Variants in CFLAR observed in about 807,000 individuals in gnomAD.
The protein encoded by CFLAR is CASP8 and FADD-like apoptosis regulator.
In CFLAR, 14 loss-of-function variants were observed where a neutral mutation model predicts 51.1. That is an observed-to-expected ratio of 0.27 (90% confidence interval 0.18 to 0.43). CFLAR has a LOEUF of 0.43. Ranked by LOEUF, CFLAR falls within the 20% of genes least tolerant of loss-of-function variation. The pLI is 1.00. For synonymous variants in CFLAR, 210 were observed against 211.6 expected (o/e 0.99, Z 0.06); for missense variants, 390 against 566.5 (o/e 0.69, Z 3.16).
At chr2:201,123,984 G>A (rs149711297) in intron 1 of CFLAR, among the ~76,000 whole-genome samples, 77 of 152,310 alleles carry the variant, frequency 5.1e-4, no homozygotes, top group African/African-American at 1.6e-3. Context: ...CTCCATTGCC[G>A]CCCAGTTTGT....
intron 1 of CFLAR, among the ~76,000 whole-genome samples, chr2:201,121,526 T>G (rs1301691097): frequency 6.6e-6 from 1 of 152,238 alleles, no homozygotes; most frequent in Non-Finnish European, 1.5e-5. Context: ...AATTTTTATT[T>G]TCTTCTCTAC....
chr2:201,157,829 A>G (rs1011879571), intron 8 of CFLAR: 1 of 152,282 alleles, frequency 6.6e-6, no homozygotes, highest in African/African-American at 2.4e-5. Context: ...GTGCCAGCTA[A>G]CAGCCCTTCC....
intron 4 of CFLAR, chr2:201,140,015 G>T: frequency 3.2e-6 from 1 of 312,568 alleles, no homozygotes; most frequent in Non-Finnish European, 6.6e-6. Flanking sequence ...GCTGCTGATA[G>T]GTAGTCCCTC....
rs181768763 is a variant in CFLAR at position 201,170,147 on chromosome 2, A to C, written c.*6174A>C. The C allele has an allele frequency of 3.9e-5, 6 of 152,354 alleles. No homozygotes were observed. The highest frequency in any genetic ancestry group is 1.4e-4 in the African/African-American group (6 of 41,582). 9.4% of individuals were successfully genotyped at this position (152,354 alleles called of 1,614,324 possible). A position where few individuals can be genotyped will look rare whatever the true frequency, so the allele number is the denominator to read the frequency against. On this transcript the variant is annotated 3_prime_UTR_variant, in exon 10 of 10. Coordinates refer to ENST00000309955, the MANE Select transcript of CFLAR (RefSeq NM_003879.7). ...ATAAACCATTTTATTATAAAGATAC[A>C]TGCACATTTTTGTTCATTGCAGCAC...
intron 4 of CFLAR, chr2:201,137,916 G>C: frequency 1.3e-6 from 1 of 766,664 alleles, no homozygotes; most frequent in African/African-American, 1.7e-5. Context: ...CATCACTGTG[G>C]AGGCTCCTAG....
At chr2:201,130,400 T>C (rs2049168500) in intron 2 of CFLAR, among the ~76,000 whole-genome samples, 1 of 147,380 alleles carries the variant, frequency 6.8e-6, no homozygotes, top group African/African-American at 2.5e-5. Flanking sequence ...CTCACCCTGT[T>C]GCCCAGGCTG....
chr2:201,127,778 A>G (rs1322303410), intron 1 of CFLAR, among the ~76,000 whole-genome samples: 1 of 152,174 alleles, frequency 6.6e-6, no homozygotes, highest in African/African-American at 2.4e-5. Flanking sequence ...CCACTGAGTA[A>G]TCTAGATTTT....
rs1337755930 is a variant in CFLAR, at chr2:201,173,082, A to C, written c.*9109A>C. 6.6e-6 allele frequency: 1 copy of C among 152,166 alleles called. No homozygotes were observed. Among genetic ancestry groups the C allele is most frequent in the Non-Finnish European group, 1.5e-5 (1 of 68,062 alleles). The allele number at this position is 152,166 out of a possible 1,614,324, so 9.4% of individuals were successfully genotyped here. On this transcript the variant is annotated 3_prime_UTR_variant, in exon 10 of 10. Transcript: ENST00000309955. The stretch of plus-strand genomic sequence containing the variant: ...AGTCTCACTCTGTCGCCCAGGGTGG[A>C]GTGCAGTGGCGTTATCTTGATTCAC...
At chr2:201,162,664 T>C (rs937128072) in intron 9 of CFLAR, 2 of 209,146 alleles carry the variant, frequency 9.6e-6, no homozygotes, top group African/African-American at 2.3e-5. Context: ...CTTGATTTCC[T>C]CAATTTTGCA....
intron 4 of CFLAR, chr2:201,139,647 T>C (rs187027531): frequency 6.5e-6 from 1 of 153,106 alleles, no homozygotes; most frequent in East Asian, 1.9e-4. Flanking sequence ...TGTTTATGTG[T>C]ATGCATATCT....
In CFLAR at chr2:201,168,155, C is replaced by A. The variant is rs568119842; in HGVS notation, c.*4182C>A. On this transcript the variant is annotated 3_prime_UTR_variant, in exon 10 of 10. Coordinates refer to ENST00000309955, the MANE Select transcript of CFLAR (RefSeq NM_003879.7). ...TATTTGGGAGGCCGAGGCAAGAGAA[C>A]GGCATGAACCTGGGAGGTGGAGCTT... 1 of 152,108 alleles carries A rather than the reference C, an allele frequency of 6.6e-6. No homozygotes were observed. Among genetic ancestry groups the A allele is most frequent in the South Asian group, 2.1e-4 (1 of 4,834 alleles). 9.4% of individuals were successfully genotyped at this position (152,108 alleles called of 1,614,324 possible). A position where few individuals can be genotyped will look rare whatever the true frequency, so the allele number is the denominator to read the frequency against.
intron 5 of CFLAR, chr2:201,144,360 C>G (rs186164329): frequency 2.0e-5 from 3 of 152,298 alleles, no homozygotes; most frequent in East Asian, 3.9e-4. Flanking sequence ...TACTCTAGCC[C>G]TCAGAAGTGG....
At chr2:201,137,302 G>T in intron 4 of CFLAR, 1 of 268,344 alleles carries the variant, frequency 3.7e-6, no homozygotes, top group Admixed American at 4.7e-5. Context: ...GGGGCTCCCA[G>T]GGCAGCCTGG....
intron 5 of CFLAR, among the ~76,000 whole-genome samples, chr2:201,144,820 A>G (rs970856825): frequency 1.5e-4 from 23 of 152,138 alleles, no homozygotes; most frequent in African/African-American, 5.6e-4. Context: ...ACATTCTAAT[A>G]TGCTAGCTTA....
intron 8 of CFLAR, among the ~76,000 whole-genome samples, chr2:201,157,595 C>T (rs1942391964): frequency 6.6e-6 from 1 of 152,096 alleles, no homozygotes; most frequent in South Asian, 2.1e-4. Flanking sequence ...AGGGTGGTCT[C>T]AAACTCCTGA....
intron 8 of CFLAR, among the ~76,000 whole-genome samples, chr2:201,159,476 A>T (rs910797647): frequency 2.6e-5 from 4 of 151,532 alleles, no homozygotes; most frequent in Admixed American, 2.0e-4. Context: ...CACCTGACTA[A>T]TTTTTGTATT....
At chr2:201,160,180 G>T (rs1000649752) in intron 8 of CFLAR, among the ~76,000 whole-genome samples, 1 of 152,272 alleles carries the variant, frequency 6.6e-6, no homozygotes, top group Non-Finnish European at 1.5e-5. Flanking sequence ...CTCAGTCTGT[G>T]CCTGTGGCTG....
At chr2:201,150,040 A>T in intron 8 of CFLAR, 1 of 398,408 alleles carries the variant, frequency 2.5e-6, no homozygotes, top group East Asian at 4.4e-5. Flanking sequence ...CCAGTTAAAA[A>T]TTAGCTGGTG....
chr2:201,135,596 T>C (rs1359083524), intron 3 of CFLAR, among the ~76,000 whole-genome samples: 2 of 152,146 alleles, frequency 1.3e-5, no homozygotes, highest in East Asian at 3.8e-4. Context: ...ATAAATCACA[T>C]GGACTGAGGT....
Sources: allele counts gnomAD v4.1 joint callset (sites outside exome capture counted in the v4.1 genomes callset), GRCh38; gene constraint gnomAD v4.1.1; transcripts MANE v1.5; gene names NCBI Gene and HGNC (gene_info 2026-07-23, HGNC 2026-07-21).